Variants in CREB5 observed in about 807,000 individuals in gnomAD.
CREB5 encodes the protein cyclic AMP-responsive element-binding protein 5.
In CREB5, 19 loss-of-function variants were observed where a neutral mutation model predicts 57.1. The ratio of observed to expected loss-of-function variants is 0.33; its 90% confidence interval spans 0.23 to 0.49. CREB5 has a LOEUF of 0.49. CREB5 is among the 20% of genes least tolerant of loss of function. CREB5 has a pLI of 0.99. For missense variants in CREB5, 579 were observed against 671.6 expected (o/e 0.86, Z 1.52); for synonymous variants, 238 against 238.3 (o/e 1.00, Z 0.01).
rs1809754096 is a variant in CREB5, at chr7:28,821,274, A to G, written c.*1995A>G. 3 of 152,168 alleles carry G rather than the reference A, an allele frequency of 2.0e-5. No individual in the cohort carries two copies. The highest frequency in any genetic ancestry group is 2.9e-5 in the Non-Finnish European group (2 of 68,032). The allele number at this position is 152,168 out of a possible 1,614,324, so 9.4% of individuals were successfully genotyped here. A position where few individuals can be genotyped will look rare whatever the true frequency, so the allele number is the denominator to read the frequency against. ...TAGTATAAGAATCTATTTTGGAGAA[A>G]AAAAGAAAATATGAGGGTCTCGAAG... On this transcript the variant is annotated 3_prime_UTR_variant, in exon 11 of 11. Transcript: ENST00000357727.
intron 1 of CREB5, among the ~76,000 whole-genome samples, chr7:28,417,020 G>A (rs1160409044): frequency 4.6e-5 from 7 of 152,144 alleles, no homozygotes; most frequent in African/African-American, 1.7e-4. Flanking sequence ...CTGTCCATTC[G>A]TGGCTCTGCA....
At chr7:28,793,752 TC>T (rs1807866232) in intron 7 of CREB5, among the ~76,000 whole-genome samples, 1 of 152,180 alleles carries the variant, frequency 6.6e-6, no homozygotes, top group Non-Finnish European at 1.5e-5. Context: ...ATCCTGCACC[TC>T]CTGCAGCACA....
chr7:28,680,705 A>G (rs1412710795), intron 5 of CREB5, among the ~76,000 whole-genome samples: 1 of 151,564 alleles, frequency 6.6e-6, no homozygotes, highest in African/African-American at 2.4e-5. Flanking sequence ...GCTACAGTGA[A>G]CTGAAATCAT....
intron 2 of CREB5, among the ~76,000 whole-genome samples, chr7:28,492,771 TA>T (rs1315293020): frequency 1.3e-5 from 2 of 149,072 alleles, no homozygotes; most frequent in African/African-American, 4.9e-5. Flanking sequence ...TAAAATATAA[TA>T]TTTTTATAGT....
chr7:28,614,096 A>G (rs1174869330), intron 5 of CREB5, among the ~76,000 whole-genome samples: 1 of 152,118 alleles, frequency 6.6e-6, no homozygotes, highest in Non-Finnish European at 1.5e-5. Context: ...AGTTGCTGGG[A>G]CTACAGGCAC....
At chr7:28,547,623 A>G (rs1275155867) in intron 4 of CREB5, among the ~76,000 whole-genome samples, 1 of 152,184 alleles carries the variant, frequency 6.6e-6, no homozygotes, top group African/African-American at 2.4e-5. Flanking sequence ...CTTCACAGCA[A>G]TGTCTTGACT....
At chr7:28,329,952 T>C (rs145327171) in intron 1 of CREB5, among the ~76,000 whole-genome samples, 21 of 152,362 alleles carry the variant, frequency 1.4e-4, no homozygotes, top group Middle Eastern at 3.4e-3. Context: ...CTGTTTTCTC[T>C]TAAGGATGGA....
At chr7:28,344,329 G>T (rs1785996421) in intron 1 of CREB5, among the ~76,000 whole-genome samples, 1 of 152,122 alleles carries the variant, frequency 6.6e-6, no homozygotes, top group South Asian at 2.1e-4. Context: ...TTTTACATAT[G>T]ATGAGAAATT....
In CREB5 at chr7:28,529,933, T is replaced by G. The variant is rs552035768; in HGVS notation, c.291+22196T>G. Among the ~76,000 whole-genome samples, 10 of 152,360 alleles carry G rather than the reference T, an allele frequency of 6.6e-5. 2 individuals carry two copies. In the South Asian group the frequency reaches 1.5e-3, roughly 22 times the overall value. On this transcript the variant is annotated intron_variant, in intron 4 of 10. Coordinates refer to ENST00000357727, the MANE Select transcript of CREB5 (RefSeq NM_182898.4). ...CACCAGCTATTGTTTACTGAGCACC[T>G]ACTATTTGCCAGATATCTTGCAAAA...
chr7:28,636,503 C>G (rs1233716461), intron 5 of CREB5, among the ~76,000 whole-genome samples: 1 of 152,158 alleles, frequency 6.6e-6, no homozygotes, highest in Non-Finnish European at 1.5e-5. Flanking sequence ...CTGTGTGGCA[C>G]TTACTTCTGC....
chr7:28,565,681 C>T (rs1795444930), intron 4 of CREB5, among the ~76,000 whole-genome samples: 1 of 152,170 alleles, frequency 6.6e-6, no homozygotes, highest in Non-Finnish European at 1.5e-5. Context: ...GTAGTCCCAG[C>T]ACTTTGGGAA....
intron 5 of CREB5, among the ~76,000 whole-genome samples, chr7:28,577,804 G>A (rs561009221): frequency 6.6e-6 from 1 of 152,264 alleles, no homozygotes; most frequent in South Asian, 2.1e-4. Context: ...ATTTAATTTT[G>A]TAAACTACTT....
At chr7:28,510,799 C>T (rs1310934780) in intron 4 of CREB5, among the ~76,000 whole-genome samples, 1 of 152,172 alleles carries the variant, frequency 6.6e-6, no homozygotes, top group Admixed American at 6.5e-5. Context: ...CCTCAATTTC[C>T]ATATTAATAG....
At chr7:28,432,117 C>T (rs530904197) in intron 1 of CREB5, among the ~76,000 whole-genome samples, 1 of 151,682 alleles carries the variant, frequency 6.6e-6, no homozygotes, top group South Asian at 2.1e-4. Flanking sequence ...AAAACATGCA[C>T]TGAAACTTTG....
intron 4 of CREB5, among the ~76,000 whole-genome samples, chr7:28,548,415 G>T (rs1020684104): frequency 6.6e-6 from 1 of 152,124 alleles, no homozygotes. Flanking sequence ...GTGTTAAACT[G>T]TCTCAGGCTT....
chr7:28,582,032 A>C (rs528865557), intron 5 of CREB5, among the ~76,000 whole-genome samples: 9 of 152,308 alleles, frequency 5.9e-5, no homozygotes, highest in Admixed American at 2.6e-4. Context: ...AAGTAAATGA[A>C]AGTTGCACTG....
intron 4 of CREB5, among the ~76,000 whole-genome samples, chr7:28,560,999 C>CGCGTGCGTGCGT (rs1562798382): frequency 1.5e-4 from 5 of 34,192 alleles, no homozygotes; most frequent in East Asian, 8.8e-4. Context: ...TGTGTGCCTG[C>CGCGTGCGTGCGT]GTGTGCGTGT....
intron 4 of CREB5, among the ~76,000 whole-genome samples, chr7:28,558,097 T>A (rs886530131): frequency 1.9e-4 from 29 of 152,192 alleles, no homozygotes; most frequent in African/African-American, 6.8e-4. Context: ...CAAATGCTGT[T>A]TTGTTTGCTG....
intron 5 of CREB5, among the ~76,000 whole-genome samples, chr7:28,624,217 G>T (rs980796313): frequency 6.6e-6 from 1 of 152,160 alleles, no homozygotes; most frequent in African/African-American, 2.4e-5. Flanking sequence ...TCTAATTTGC[G>T]TGAATTCTAA....
Sources: allele counts gnomAD v4.1 joint callset (sites outside exome capture counted in the v4.1 genomes callset), GRCh38; gene constraint gnomAD v4.1.1; transcripts MANE v1.5; gene names NCBI Gene and HGNC (gene_info 2026-07-23, HGNC 2026-07-21).